PUS1: variants seen among roughly 807,000 people sequenced by gnomAD.
PUS1 encodes the protein pseudouridylate synthase 1 homolog.
PUS1 carries 25 observed loss-of-function variants against 38.5 expected under a neutral mutation model. The ratio of observed to expected loss-of-function variants is 0.65; its 90% CI spans 0.47 to 0.91. The LOEUF is 0.91. Ranked by LOEUF, PUS1 falls within the 40% of genes least tolerant of loss-of-function variation. PUS1 has a pLI of 0.00. For missense variants in PUS1, 597 were observed against 612.3 expected (o/e 0.97, Z 0.26); for synonymous variants, 282 against 260.4 (o/e 1.08, Z -0.80).
rs1566148538 is a variant in PUS1, at chr12:131,941,736, GACTCGGCCTGGTCCTGGAGAGGGTGC to G, written c.993_1018del (p.Gly332ArgfsTer14). ...AAGGTGGACGTGCCCAAGGCGCCCG[GACTCGGCCTGGTCCTGGAGAGGGTGC>G]ACTTCGAGAAGTACAACCAGCGCTT... On this transcript the variant is annotated frameshift_variant, in exon 5 of 6. Transcript: ENST00000376649. LOFTEE classifies it high-confidence loss of function. The surrounding 1 kb of genome is among the most constrained non-coding windows in gnomAD (Gnocchi z 4.4). 6.2e-7 allele frequency: 1 copy of G among 1,614,030 alleles called. No homozygotes were observed. The highest frequency in any genetic ancestry group is 8.5e-7 in the Non-Finnish European group (1 of 1,180,040).
At position 131,941,551 on chromosome 12, in the gene PUS1, C is replaced by A. The variant is rs200925842; in HGVS notation, c.804C>A (p.Cys268Ter). 1 of 1,614,182 alleles carries A rather than the reference C, an allele frequency of 6.2e-7. No individual in the cohort carries two copies. Among genetic ancestry groups the A allele is most frequent in the South Asian group, 1.1e-5 (1 of 91,074 alleles). ...SACRYILEMY[C>*]EEPFVREGLE... ...GCCGCTACATCCTGGAGATGTACTG[C>A]GAGGAACCCTTTGTGCGGGAGGGCC... Residue 268 changes from cysteine (C) to a stop codon, truncating the protein, a stop_gained, in exon 5 of 6, where the codon TGC (cysteine) becomes TGA (stop). Transcript: ENST00000376649. LOFTEE classifies it high-confidence loss of function. This position sits in a 1 kb window ranked among gnomAD's most constrained non-coding sequence, Gnocchi z 4.4.
In PUS1 at chr12:131,941,593, C is replaced by A; in HGVS notation, c.846C>A (p.Ile282=). 1 of 1,614,194 alleles carries A rather than the reference C, an allele frequency of 6.2e-7. No individual in the cohort carries two copies. Among genetic ancestry groups the A allele is most frequent in the South Asian group, 1.1e-5 (1 of 91,086 alleles). ...GGGAGGGCCTGGAGTTTGCGGTGAT[C>A]AGGGTGAAGGGCCAGAGCTTCATGA... ...FVREGLEFAV[I]RVKGQSFMMH... is the part of the protein sequence containing the mutation. Residue 282 remains isoleucine (I), a synonymous_variant, in exon 5 of 6, where the codon ATC becomes ATA. Coordinates refer to ENST00000376649, the MANE Select transcript of PUS1 (RefSeq NM_025215.6). This position sits in a 1 kb window ranked among gnomAD's most constrained non-coding sequence, Gnocchi z 4.4.
In PUS1 at chr12:131,943,649, A is replaced by T. The variant is rs1204179303; in HGVS notation, c.*63A>T. Reference sequence around the variant, plus strand: ...CTCACAGTGTGTGCCCAGATGTGCCACCCCTGTGGGCAGCAAGAAGCTGGG... The same window carrying T: ...CTCACAGTGTGTGCCCAGATGTGCCTCCCCTGTGGGCAGCAAGAAGCTGGG... On this transcript the variant is annotated 3_prime_UTR_variant, in exon 6 of 6. Coordinates refer to ENST00000376649, the MANE Select transcript of PUS1 (RefSeq NM_025215.6). 1.2e-5 allele frequency: 16 copies of T among 1,355,150 alleles called. No homozygotes were observed. The highest frequency in any genetic ancestry group is 1.7e-5 in the Non-Finnish European group (16 of 947,794). 83.9% of individuals were successfully genotyped at this position (1,355,150 alleles called of 1,614,324 possible). A position where few individuals can be genotyped will look rare whatever the true frequency, so the allele number is the denominator to read the frequency against.
At position 131,932,261 on chromosome 12, in the gene PUS1, T is replaced by C. The variant is rs1196423972; in HGVS notation, c.390T>C (p.His130=). The C allele has an allele frequency of 1.2e-6, 2 of 1,614,162 alleles. No individual in the cohort carries two copies. Among genetic ancestry groups the C allele is most frequent in the South Asian group, 1.1e-5 (1 of 91,084 alleles). Reference sequence around the variant, plus strand: ...GGTCAGGCTGTATTCCTGAAAATCATGGTGAGGACATGAGGAAAATGTCCT... The same window carrying C: ...GGTCAGGCTGTATTCCTGAAAATCACGGTGAGGACATGAGGAAAATGTCCT... The part of the protein sequence containing the change: ...LVRSGCIPEN[H]GEDMRKMSFQ... Residue 130 remains histidine, a synonymous_variant, in exon 3 of 6, where the codon CAT becomes CAC. Transcript: ENST00000376649.
intron 3 of PUS1, among the ~76,000 whole-genome samples, chr12:131,935,383 G>A (rs901206240): frequency 3.9e-5 from 6 of 152,246 alleles, no homozygotes; most frequent in African/African-American, 1.4e-4. Context: ...TTTTATTTCT[G>A]CTGTTATTAG....
At chr12:131,939,424 G>T in intron 4 of PUS1, 149 bp downstream of exon 4, 1 of 694,266 alleles carries the variant, frequency 1.4e-6, no homozygotes, top group Non-Finnish European at 2.6e-6. Flanking sequence ...CTTCAGAAAC[G>T]GGAGCCACTA....
In PUS1 at chr12:131,941,567, C is replaced by A. The variant is rs888950575; in HGVS notation, c.820C>A (p.Arg274=). The part of the protein sequence containing the change: ...LEMYCEEPFV[R]EGLEFAVIRV... ...GATGTACTGCGAGGAACCCTTTGTG[C>A]GGGAGGGCCTGGAGTTTGCGGTGAT... The change falls in exon 5 of 6, where the codon CGG becomes AGG. Residue 274 remains arginine, a synonymous_variant. Transcript: ENST00000376649. The surrounding 1 kb of genome is among the most constrained non-coding windows in gnomAD (Gnocchi z 4.4). The A allele has an allele frequency of 6.2e-7, 1 of 1,614,060 alleles. No homozygotes were observed. Among genetic ancestry groups the A allele is most frequent in the African/African-American group, 1.3e-5 (1 of 74,918 alleles).
In PUS1 at chr12:131,945,513, T is replaced by C. The variant is rs571435354; in HGVS notation, c.*1927T>C. 2 of 152,406 alleles carry C rather than the reference T, an allele frequency of 1.3e-5. No individual in the cohort carries two copies. Among genetic ancestry groups the C allele is most frequent in the East Asian group, 3.8e-4 (2 of 5,196 alleles). 9.4% of individuals were successfully genotyped at this position (152,406 alleles called of 1,614,324 possible). A position where few individuals can be genotyped will look rare whatever the true frequency, so the allele number is the denominator to read the frequency against. Reference sequence around the variant, plus strand: ...ACTTTATTTTTTATTTTTATTTTGTTTGAGACGGAGTCTCGCTGTGTTGCC... The same window carrying C: ...ACTTTATTTTTTATTTTTATTTTGTCTGAGACGGAGTCTCGCTGTGTTGCC... On this transcript the variant is annotated 3_prime_UTR_variant, in exon 6 of 6. Transcript: ENST00000376649.
At chr12:131,934,954 T>G (rs1890758158) in intron 3 of PUS1, 1 of 152,232 alleles carries the variant, frequency 6.6e-6, no homozygotes, top group African/African-American at 2.4e-5. Flanking sequence ...GGCACACAGA[T>G]CCCTGGGGAT....
intron 3 of PUS1, chr12:131,934,521 T>A (rs966455704): frequency 6.6e-6 from 1 of 152,238 alleles, no homozygotes; most frequent in South Asian, 2.1e-4. Flanking sequence ...CAGAGATTAT[T>A]ATAATAGTAA....
chr12:131,929,743 G>A lies in PUS1; in HGVS notation c.21G>A (p.Ala7=). 3 of 1,592,316 alleles carry A rather than the reference G, an allele frequency of 1.9e-6. No homozygotes were observed. Among genetic ancestry groups the A allele is most frequent in the Non-Finnish European group, 1.7e-6 (2 of 1,176,458 alleles). ...TGCGCATGGGCCTCCAGCTTCGCGC[G>A]CTGTTGGGAGCCTTCGGACGGTGGA... The part of the protein sequence containing the change: MGLQLR[A]LLGAFGRWTL... The change falls in exon 1 of 6, where the codon GCG becomes GCA. Residue 7 remains alanine, a synonymous_variant. Transcript: ENST00000376649.
intron 3 of PUS1, among the ~76,000 whole-genome samples, chr12:131,936,443 A>AG (rs1890838664): frequency 1.2e-5 from 1 of 85,096 alleles, no homozygotes; most frequent in East Asian, 2.4e-4. Context: ...CACGCCTGTA[A>AG]TCCCAGCTAC....
At chr12:131,935,812 T>C (rs1890799807) in intron 3 of PUS1, among the ~76,000 whole-genome samples, 2 of 152,110 alleles carry the variant, frequency 1.3e-5, no homozygotes, top group South Asian at 4.2e-4. Context: ...GGATTACAGG[T>C]GTGAGCCCCC....
intron 3 of PUS1, among the ~76,000 whole-genome samples, chr12:131,933,875 C>T (rs770172551): frequency 2.6e-5 from 4 of 152,096 alleles, no homozygotes; most frequent in East Asian, 1.9e-4. Context: ...ACCAATGGGC[C>T]GAACCTGATA....
intron 5 of PUS1, among the ~76,000 whole-genome samples, chr12:131,943,323 C>G (rs1891169866): frequency 6.6e-6 from 1 of 152,228 alleles, no homozygotes; most frequent in Non-Finnish European, 1.5e-5. Flanking sequence ...AGGAGCCCAA[C>G]AAAGGCCCCT....
rs762650144 is a variant in PUS1, at chr12:131,941,113, C to A, written c.545-179C>A. 23 of 622,788 alleles carry A rather than the reference C, an allele frequency of 3.7e-5. No homozygotes were observed. The highest frequency in any genetic ancestry group is 6.1e-5 in the Non-Finnish European group (21 of 346,088). The allele number at this position is 622,788 out of a possible 1,614,324, so 38.6% of individuals were successfully genotyped here. A position where few individuals can be genotyped will look rare whatever the true frequency, so the allele number is the denominator to read the frequency against. On this transcript the variant is annotated intron_variant, in intron 4 of 5. Coordinates refer to ENST00000376649, the MANE Select transcript of PUS1 (RefSeq NM_025215.6). This position sits in a 1 kb window ranked among gnomAD's most constrained non-coding sequence, Gnocchi z 4.4. ...TGCACCTGTCCCTCCTGTCCATCGT[C>A]CTCCTGTGCCTGTTCCCCAGCCTGT...
chr12:131,934,479 G>A (rs1890739504), intron 3 of PUS1, among the ~76,000 whole-genome samples: 1 of 152,066 alleles, frequency 6.6e-6, no homozygotes, highest in African/African-American at 2.4e-5. Flanking sequence ...CTGACTCTAT[G>A]GCCTGATTTT....
Position 131,941,920 on chromosome 12 carries a change from G to A in PUS1, c.1173G>A (p.Leu391=), listed in dbSNP as rs142637371. 2.5e-6 allele frequency: 4 copies of A among 1,612,854 alleles called. No individual in the cohort carries two copies. The highest frequency in any genetic ancestry group is 2.7e-5 in the African/African-American group (2 of 74,942). Residue 391 remains leucine (L), a synonymous_variant, in exon 5 of 6, where the codon CTG becomes CTA. Transcript: ENST00000376649. This position sits in a 1 kb window ranked among gnomAD's most constrained non-coding sequence, Gnocchi z 4.4. ...ACGAACGCTCCATGGCCCAGTGGCTGAGCACCTTGCCCATCCACAACTTCA... is the reference window on the plus strand; with the variant it reads ...ACGAACGCTCCATGGCCCAGTGGCTAAGCACCTTGCCCATCCACAACTTCA... ...ERDERSMAQW[L]STLPIHNFSA...
chr12:131,932,446 A>G, intron 3 of PUS1, 134 bp downstream of exon 3: 1 of 1,078,618 alleles, frequency 9.3e-7, no homozygotes, highest in Non-Finnish European at 1.4e-6. Context: ...CCTACGCCTT[A>G]TGTAGGTGAG....
Sources: allele counts gnomAD v4.1 joint callset (sites outside exome capture counted in the v4.1 genomes callset), GRCh38; gene constraint gnomAD v4.1.1; non-coding constraint Gnocchi (gnomAD v3.1); transcripts MANE v1.5; gene names NCBI Gene and HGNC (gene_info 2026-07-23, HGNC 2026-07-21).